Variants in AFF2 observed in about 807,000 individuals in gnomAD.
AFF2 encodes ALF transcription elongation factor 2, also known as AF4/FMR2 family member 2.
AFF2 carries 14 observed loss-of-function variants against 76.9 expected under a neutral mutation model. That is an observed-to-expected ratio of 0.18 (90% CI 0.12 to 0.28). The LOEUF is 0.28. AFF2 is among the 10% of genes least tolerant of loss of function. The pLI, the probability that AFF2 is intolerant of heterozygous loss-of-function variation, is 1.00. For synonymous variants in AFF2, 398 were observed against 366.7 expected (o/e 1.09, Z -0.98); for missense variants, 868 against 1,001.1 (o/e 0.87, Z 1.79).
At chrX:148,724,682 A>G (rs1419215633) in intron 3 of AFF2, among the ~76,000 whole-genome samples, 1 of 112,111 alleles carries the variant, frequency 8.9e-6, no homozygotes, top group Non-Finnish European at 1.9e-5. Flanking sequence ...CTAGATTTGA[A>G]CACAATTCTC....
At chrX:148,725,677 C>T (rs782231676) in intron 3 of AFF2, among the ~76,000 whole-genome samples, 8 of 112,158 alleles carry the variant, frequency 7.1e-5, no homozygotes, top group Admixed American at 3.8e-4. Context: ...GACTGCACTT[C>T]GACATTTCTT....
intron 3 of AFF2, among the ~76,000 whole-genome samples, chrX:148,750,760 A>G: frequency 8.9e-6 from 1 of 112,158 alleles, no homozygotes; most frequent in Non-Finnish European, 1.9e-5. Flanking sequence ...GCAAAGATTA[A>G]AAAAATGAGA....
At chrX:148,553,151 A>G (rs1264464412) in intron 1 of AFF2, among the ~76,000 whole-genome samples, 1 of 112,108 alleles carries the variant, frequency 8.9e-6, no homozygotes, top group Admixed American at 9.4e-5. Context: ...TAACTAATAC[A>G]CAATAAAATA....
intron 4 of AFF2, among the ~76,000 whole-genome samples, chrX:148,837,036 CAAGAG>C (rs1453632183): frequency 8.9e-6 from 1 of 111,883 alleles, no homozygotes; most frequent in Non-Finnish European, 1.9e-5. Flanking sequence ...TGGGCTGTAT[CAAGAG>C]AAGATGAGTA....
chrX:148,552,450 A>C (rs1310663290), intron 1 of AFF2, among the ~76,000 whole-genome samples: 1 of 111,735 alleles, frequency 8.9e-6, no homozygotes, highest in Non-Finnish European at 1.9e-5. Flanking sequence ...GACTGGGGGG[A>C]AAGCTGCACT....
chrX:148,738,013 G>A (rs192792872), intron 3 of AFF2, among the ~76,000 whole-genome samples: 9 of 111,084 alleles, frequency 8.1e-5, no homozygotes, highest in African/African-American at 2.6e-4. Context: ...TGTCGGATTC[G>A]GTTAGCTAGT....
chrX:148,701,682 T>C (rs1557261897), intron 3 of AFF2, among the ~76,000 whole-genome samples: 1 of 112,542 alleles, frequency 8.9e-6, no homozygotes, highest in African/African-American at 3.2e-5. Context: ...TCAGTGCATC[T>C]TTATTGGGAA....
At chrX:148,708,853 T>A (rs782499849) in intron 3 of AFF2, among the ~76,000 whole-genome samples, 23 of 112,708 alleles carry the variant, frequency 2.0e-4, no homozygotes, top group Middle Eastern at 4.6e-3. Flanking sequence ...GTATCACTAA[T>A]GAAATATTTT....
chrX:148,728,706 A>G (rs2055188360), intron 3 of AFF2, among the ~76,000 whole-genome samples: 1 of 112,596 alleles, frequency 8.9e-6, no homozygotes, highest in Non-Finnish European at 1.9e-5. Flanking sequence ...TTTTGACAGT[A>G]ACTTGTAAGC....
intron 1 of AFF2, among the ~76,000 whole-genome samples, chrX:148,599,906 T>C (rs781923677): frequency 1.1e-4 from 12 of 111,641 alleles, no homozygotes; most frequent in Non-Finnish European, 2.3e-4. Flanking sequence ...TAAGTGCATG[T>C]ATGTGTATTT....
intron 1 of AFF2, among the ~76,000 whole-genome samples, chrX:148,514,177 C>T (rs997931989): frequency 1.8e-5 from 2 of 111,212 alleles, no homozygotes; most frequent in Non-Finnish European, 3.8e-5. Context: ...ATGACAATAA[C>T]CGGAAAACCA....
chrX:148,990,432 C>T (rs1222306073), intron 20 of AFF2, among the ~76,000 whole-genome samples: 2 of 112,275 alleles, frequency 1.8e-5, no homozygotes, highest in Non-Finnish European at 3.8e-5. Context: ...CAAATGAATT[C>T]GTACATGAAA....
At chrX:148,638,674 A>G (rs953992732) in intron 1 of AFF2, among the ~76,000 whole-genome samples, 1 of 111,501 alleles carries the variant, frequency 9.0e-6, no homozygotes, top group Non-Finnish European at 1.9e-5. Flanking sequence ...GCAAAGCAAG[A>G]GCAGGCACCT....
chrX:148,916,055 C>T (rs1265943747), intron 9 of AFF2, among the ~76,000 whole-genome samples: 4 of 111,579 alleles, frequency 3.6e-5, no homozygotes, highest in African/African-American at 1.3e-4. Flanking sequence ...CACAGCAGAG[C>T]ACAGCTGTGC....
At chrX:148,501,422 C>T (rs1250950585) in intron 1 of AFF2, among the ~76,000 whole-genome samples, 1 of 112,731 alleles carries the variant, frequency 8.9e-6, no homozygotes, top group Non-Finnish European at 1.9e-5. Context: ...TCGGTGCCGC[C>T]CGAGGGCTGA....
intron 3 of AFF2, among the ~76,000 whole-genome samples, chrX:148,799,165 T>TA (rs2124631465): frequency 8.9e-6 from 1 of 112,119 alleles, no homozygotes; most frequent in South Asian, 3.7e-4. Flanking sequence ...AAGCTCCAAT[T>TA]TTATTGAGTG....
chrX:148,990,574 AG>A (rs1269622598), intron 20 of AFF2, among the ~76,000 whole-genome samples: 1 of 112,618 alleles, frequency 8.9e-6, no homozygotes, highest in Non-Finnish European at 1.9e-5. Flanking sequence ...CCCTTCCCTA[AG>A]TGAACCAAGG....
chrX:148,565,975 G>A (rs2053165685), intron 1 of AFF2, among the ~76,000 whole-genome samples: 1 of 111,148 alleles, frequency 9.0e-6, no homozygotes, highest in Non-Finnish European at 1.9e-5. Flanking sequence ...ATAAATATGT[G>A]CGTGTATAGT....
intron 10 of AFF2, among the ~76,000 whole-genome samples, chrX:148,954,013 A>T (rs1408706772): frequency 8.9e-6 from 1 of 112,260 alleles, no homozygotes; most frequent in Non-Finnish European, 1.9e-5. Context: ...TAGTAAAACT[A>T]GCATAGTAAT....
Sources: gnomAD v4.1 joint callset for allele counts (sites outside exome capture counted in the v4.1 genomes callset) on GRCh38, gnomAD v4.1.1 for gene constraint, MANE v1.5 for transcripts, NCBI Gene and HGNC (gene_info 2026-07-23, HGNC 2026-07-21) for gene names.